DHRS3: variants seen among roughly 807,000 people sequenced by gnomAD.
DHRS3 encodes the protein short-chain dehydrogenase/reductase 3.
A neutral mutation model predicts 27.2 loss-of-function variants in DHRS3; 14 were observed. The observed-to-expected ratio is 0.52, with a 90% CI of 0.34 to 0.81. DHRS3 has a LOEUF of 0.81. Ranked by LOEUF, DHRS3 falls within the 30% of genes least tolerant of loss-of-function variation. The probability of loss-of-function intolerance (pLI) is 0.01; values close to 1 mark genes in which losing one functional copy is unlikely to be tolerated. For missense variants in DHRS3, 322 were observed against 406.2 expected, an observed-to-expected ratio of 0.79 and a Z score of 1.78; for synonymous variants, 165 against 175.9, an observed-to-expected ratio of 0.94 and a Z score of 0.49.
At chr1:12,611,578 G>C (rs777181758) in intron 1 of DHRS3, among the ~76,000 whole-genome samples, 2 of 152,178 alleles carry the variant, frequency 1.3e-5, no homozygotes, top group Non-Finnish European at 2.9e-5. Context: ...GACTAGCAAA[G>C]GCTGAGATCA....
At chr1:12,570,308 T>A (rs1247733192) in intron 5 of DHRS3, among the ~76,000 whole-genome samples, 1 of 152,250 alleles carries the variant, frequency 6.6e-6, no homozygotes, top group East Asian at 1.9e-4. Flanking sequence ...CGTTTACTTG[T>A]CAAGCCTGTG....
rs1482404792 is a variant in DHRS3, at chr1:12,578,341, ACT to A, written c.698+375_698+376del. Among the ~76,000 whole-genome samples, 2 of 151,798 alleles carry A rather than the reference ACT, an allele frequency of 1.3e-5. No homozygotes were observed. The highest frequency in any genetic ancestry group is 2.4e-5 in the African/African-American group (1 of 41,280). On this transcript the variant is annotated intron_variant, in intron 4 of 5. Transcript: ENST00000616661. This position sits in a 1 kb window ranked among gnomAD's most constrained non-coding sequence, Gnocchi z 4.5. ...ACTTTTTGTTTTGAGACAGGGTCTC[ACT>A]CTCTCTCCCAGGCTGGAGTGCAGTC...
At position 12,592,268 on chromosome 1, in the gene DHRS3, C is replaced by A. The variant is rs1279274219; in HGVS notation, c.196-11602G>T. 6.6e-6 allele frequency among the ~76,000 whole-genome samples: 1 copy of A among 152,196 alleles called. No individual in the cohort carries two copies. The highest frequency in any genetic ancestry group is 2.4e-5 in the African/African-American group (1 of 41,440). ...CGGCTGATTAGTGTCCCCTGAGAAGCTGAGTCCAAGTCCTAACCCTTGGTA... is the reference window on the plus strand; with the variant it reads ...CGGCTGATTAGTGTCCCCTGAGAAGATGAGTCCAAGTCCTAACCCTTGGTA... On this transcript the variant is annotated intron_variant, in intron 1 of 5. Transcript: ENST00000616661. This position sits in a 1 kb window ranked among gnomAD's most constrained non-coding sequence, Gnocchi z 4.2.
chr1:12,578,439 C>A lies in DHRS3; in HGVS notation c.698+279G>T, dbSNP rs2100656109. ...AATTGATCCTCCCACCTCAGCCTCC[C>A]AGATAGCTGGGAATACAGGTGTGCA... On this transcript the variant is annotated intron_variant, in intron 4 of 5. Coordinates refer to ENST00000616661, the MANE Select transcript of DHRS3 (RefSeq NM_004753.7). This position sits in a 1 kb window ranked among gnomAD's most constrained non-coding sequence, Gnocchi z 4.5. Among the ~76,000 whole-genome samples, 1 of 152,334 alleles carries A rather than the reference C, an allele frequency of 6.6e-6. No individual in the cohort carries two copies. Among genetic ancestry groups the A allele is most frequent in the Admixed American group, 6.5e-5 (1 of 15,296 alleles).
intron 1 of DHRS3, among the ~76,000 whole-genome samples, chr1:12,616,006 C>A (rs924462411): frequency 6.6e-6 from 1 of 152,186 alleles, no homozygotes; most frequent in African/African-American, 2.4e-5. Flanking sequence ...GCTGATAGTT[C>A]AGGCTCCAAA....
chr1:12,577,100 G>A lies in DHRS3; in HGVS notation c.698+1618C>T, dbSNP rs530466599. 6.6e-5 allele frequency among the ~76,000 whole-genome samples: 10 copies of A among 151,948 alleles called. No individual in the cohort carries two copies. In the East Asian group the frequency reaches 9.7e-4, roughly 15 times the overall value. On this transcript the variant is annotated intron_variant, in intron 4 of 5. Coordinates refer to ENST00000616661, the MANE Select transcript of DHRS3 (RefSeq NM_004753.7). ...ACTGAATTCTCCTCATGACCCTTCC[G>A]TGTCATCCTCATTTTTGGAAGCAGC...
At chr1:12,613,343 C>T (rs1213045001) in intron 1 of DHRS3, among the ~76,000 whole-genome samples, 2 of 152,246 alleles carry the variant, frequency 1.3e-5, no homozygotes, top group African/African-American at 4.8e-5. Context: ...ATGGTAACCA[C>T]AGGAAGCACA....
At chr1:12,585,267 CTCTCTGTG>C (rs1646686384) in intron 1 of DHRS3, among the ~76,000 whole-genome samples, 1 of 41,272 alleles carries the variant, frequency 2.4e-5, no homozygotes, top group African/African-American at 9.0e-5. Context: ...GAGTGTGTGT[CTCTCTGTG>C]TCTGTGTGTG....
At chr1:12,573,995 A>G (rs963155576) in intron 4 of DHRS3, among the ~76,000 whole-genome samples, 2 of 152,068 alleles carry the variant, frequency 1.3e-5, no homozygotes. Context: ...AATCCCACAA[A>G]GAGCTTGTGA....
intron 5 of DHRS3, chr1:12,570,165 T>C (rs758692520): frequency 2.0e-5 from 3 of 152,196 alleles, no homozygotes; most frequent in Non-Finnish European, 4.4e-5. Flanking sequence ...AAGATGACGG[T>C]GTGGATCTGA....
rs1570381213 is a variant in DHRS3, at chr1:12,591,723, G to A, written c.196-11057C>T. On this transcript the variant is annotated intron_variant, in intron 1 of 5. Coordinates refer to ENST00000616661, the MANE Select transcript of DHRS3 (RefSeq NM_004753.7). This position sits in a 1 kb window ranked among gnomAD's most constrained non-coding sequence, Gnocchi z 4.1. ...GGCTATGTAATTCCAAGCGGTAAGCGGTAGAGCTGGGACCTCAACTTATGC... is the reference window on the plus strand; with the variant it reads ...GGCTATGTAATTCCAAGCGGTAAGCAGTAGAGCTGGGACCTCAACTTATGC... Among the ~76,000 whole-genome samples the A allele has an allele frequency of 1.3e-5, 2 of 152,342 alleles. No homozygotes were observed. The highest frequency in any genetic ancestry group is 4.8e-5 in the African/African-American group (2 of 41,578).
intron 4 of DHRS3, among the ~76,000 whole-genome samples, chr1:12,576,300 C>T (rs953512924): frequency 2.6e-5 from 4 of 151,912 alleles, no homozygotes; most frequent in South Asian, 2.1e-4. Flanking sequence ...TGGTGGCTCA[C>T]GCCTGTAATC....
intron 4 of DHRS3, among the ~76,000 whole-genome samples, chr1:12,577,809 C>T (rs1557514597): frequency 2.0e-5 from 3 of 152,082 alleles, no homozygotes; most frequent in Non-Finnish European, 2.9e-5. Flanking sequence ...GGCAACGGAG[C>T]GAAACTCCAT....
intron 1 of DHRS3, among the ~76,000 whole-genome samples, chr1:12,613,126 A>C (rs1343743445): frequency 1.3e-5 from 2 of 151,898 alleles, no homozygotes; most frequent in Non-Finnish European, 2.9e-5. Flanking sequence ...GGATGATGAA[A>C]GGAGAGACTG....
At chr1:12,575,577 C>A (rs4846123) in intron 4 of DHRS3, among the ~76,000 whole-genome samples, 16,114 of 152,134 alleles carry the variant, frequency 0.11, 908 homozygotes, top group East Asian at 0.14. Context: ...TCTGGCCGAG[C>A]CCTTGGGGCT....
rs372444399 is a variant in DHRS3 at position 12,617,187 on chromosome 1, G to T, written c.162C>A (p.Leu54=). 4 of 1,612,622 alleles carry T rather than the reference G, an allele frequency of 2.5e-6. No homozygotes were observed. The highest frequency in any genetic ancestry group is 3.4e-6 in the Non-Finnish European group (4 of 1,179,766). The change falls in exon 1 of 6, where the codon CTC becomes CTA. Residue 54 remains leucine (L), a synonymous_variant. Transcript: ENST00000616661. ...CGCCGCGCTCCGCGAACTCGCGGGC[G>T]AGCTGACGCCCGATGCCTCTCCCGC... ...TGGGRGIGRQ[L]AREFAERGAR... is the part of the protein sequence containing the mutation.
chr1:12,571,344 G>T (rs114474161), intron 5 of DHRS3, among the ~76,000 whole-genome samples: 1 of 152,046 alleles, frequency 6.6e-6, no homozygotes, highest in South Asian at 2.1e-4. Context: ...CATCCCACCC[G>T]ACTGGTACTA....
chr1:12,597,891 A>C (rs1028297275), intron 1 of DHRS3, among the ~76,000 whole-genome samples: 2 of 152,104 alleles, frequency 1.3e-5, no homozygotes, highest in Non-Finnish European at 2.9e-5. Context: ...GAGCAGGGCC[A>C]GTGAGAATCC....
intron 1 of DHRS3, among the ~76,000 whole-genome samples, chr1:12,607,935 T>G (rs1646882045): frequency 6.6e-6 from 1 of 152,094 alleles, no homozygotes; most frequent in Non-Finnish European, 1.5e-5. Context: ...TGAAGTGCAG[T>G]GGTGCGATCT....
Sources: allele counts gnomAD v4.1 joint callset (sites outside exome capture counted in the v4.1 genomes callset), GRCh38; gene constraint gnomAD v4.1.1; non-coding constraint Gnocchi (gnomAD v3.1); transcripts MANE v1.5; gene names NCBI Gene and HGNC (gene_info 2026-07-23, HGNC 2026-07-21).